RAD21L1: variants seen among roughly 807,000 people sequenced by gnomAD.
The protein encoded by RAD21L1 is double-strand-break repair protein rad21-like protein 1.
RAD21L1 carries 47 observed loss-of-function variants against 69.0 expected under a neutral mutation model. The observed-to-expected ratio is 0.68, with a 90% CI of 0.54 to 0.87. The LOEUF is 0.87. Ranked by LOEUF, RAD21L1 falls within the 40% of genes least tolerant of loss-of-function variation. RAD21L1 has a pLI of 0.00. For missense variants in RAD21L1, 583 were observed against 647.6 expected (o/e 0.90, Z 1.08); for synonymous variants, 177 against 205.8 (o/e 0.86, Z 1.20).
chr20:1,235,502 A>G (rs2087475452), intron 5 of RAD21L1, among the ~76,000 whole-genome samples: 1 of 152,192 alleles, frequency 6.6e-6, no homozygotes, highest in Non-Finnish European at 1.5e-5. Flanking sequence ...ACAAGTCTTA[A>G]GTTTTGTTAT....
intron 13 of RAD21L1, 32 bp downstream of exon 13, chr20:1,248,735 T>C: frequency 8.2e-7 from 1 of 1,226,410 alleles, no homozygotes; most frequent in Non-Finnish European, 1.1e-6. Flanking sequence ...ACCCTGTTTT[T>C]ATTTTAAAAA....
At chr20:1,253,293 C>T (rs764104032) in intron 13 of RAD21L1, among the ~76,000 whole-genome samples, 11 of 152,038 alleles carry the variant, frequency 7.2e-5, no homozygotes. Context: ...CACTGCAGTA[C>T]TTCTTTTCTT....
chr20:1,254,558 A>G lies in RAD21L1; in HGVS notation c.*101A>G, dbSNP rs768082988. The G allele has an allele frequency of 7.0e-6, 5 of 718,752 alleles. No homozygotes were observed. The highest frequency in any genetic ancestry group is 2.1e-6 in the Non-Finnish European group (1 of 479,112). The allele number at this position is 718,752 out of a possible 1,614,324, so 44.5% of individuals were successfully genotyped here. Reference sequence around the variant, plus strand: ...CTGGAAGCAGCTGAAGGTCTGATCCATTTCATAGATAGGCTGACCTACTTC... The same window carrying G: ...CTGGAAGCAGCTGAAGGTCTGATCCGTTTCATAGATAGGCTGACCTACTTC... On this transcript the variant is annotated 3_prime_UTR_variant, in exon 14 of 14. Coordinates refer to ENST00000683101, the MANE Select transcript of RAD21L1 (RefSeq NM_001384355.1).
chr20:1,248,720 T>C lies in RAD21L1; in HGVS notation c.1479+17T>C. On this transcript the variant is annotated intron_variant, in intron 13 of 13. Coordinates refer to ENST00000683101, the MANE Select transcript of RAD21L1 (RefSeq NM_001384355.1). ...CGTTTACGGGTGAGATGCTAGGGTT[T>C]GTCAACCCTGTTTTTATTTTAAAAA... 2 of 1,361,166 alleles carry C rather than the reference T, an allele frequency of 1.5e-6. No individual in the cohort carries two copies. The highest frequency in any genetic ancestry group is 1.0e-6 in the Non-Finnish European group (1 of 995,066). 84.3% of individuals were successfully genotyped at this position (1,361,166 alleles called of 1,614,324 possible). A position where few individuals can be genotyped will look rare whatever the true frequency, so the allele number is the denominator to read the frequency against.
rs190989500 is a variant in RAD21L1, at chr20:1,236,805, A to C, written c.476-1239A>C. Among the ~76,000 whole-genome samples the C allele has an allele frequency of 2.5e-3, 376 of 152,318 alleles. 6 individuals are homozygous for C. Among genetic ancestry groups the C allele is most frequent in the Admixed American group, 0.021 (318 of 15,296 alleles). On this transcript the variant is annotated intron_variant, in intron 5 of 13. Transcript: ENST00000683101. ...GAAATATTTAAAATTAATCCATCTT[A>C]TTCTGGATTGTAATATAAGATCAAA...
chr20:1,247,901 G>C (rs1004214178), intron 12 of RAD21L1, among the ~76,000 whole-genome samples: 3 of 151,984 alleles, frequency 2.0e-5, no homozygotes, highest in Admixed American at 2.0e-4. Context: ...CCAACCCTTT[G>C]TAAGCCTACT....
At chr20:1,245,428 A>G (rs1306589414) in intron 11 of RAD21L1, among the ~76,000 whole-genome samples, 3 of 152,180 alleles carry the variant, frequency 2.0e-5, no homozygotes, top group Admixed American at 1.3e-4. Context: ...GGCTTCACAA[A>G]TATGTATATT....
chr20:1,231,445 A>G, intron 3 of RAD21L1, 81 bp from the exon 4 acceptor site: 4 of 729,254 alleles, frequency 5.5e-6, no homozygotes, highest in Non-Finnish European at 7.1e-6. Flanking sequence ...GTAGTCCAGT[A>G]AAAGAATATA....
At chr20:1,233,903 G>T (rs115009610) in intron 4 of RAD21L1, among the ~76,000 whole-genome samples, 182 bp from the exon 5 acceptor site, 2,291 of 152,200 alleles carry the variant, frequency 0.015, 55 homozygotes, top group African/African-American at 0.052. Flanking sequence ...ACTGAAAATT[G>T]ACCACTGGAT....
chr20:1,248,928 T>G (rs2087771665), intron 13 of RAD21L1, among the ~76,000 whole-genome samples: 1 of 152,196 alleles, frequency 6.6e-6, no homozygotes, highest in South Asian at 2.1e-4. Flanking sequence ...CTAATACCCT[T>G]AGATATCCAT....
Position 1,234,033 on chromosome 20 carries a change from G to A in RAD21L1, c.369-52G>A, listed in dbSNP as rs1040677306. ...TCACTATATCAATGATATTTTTACA[G>A]TATCATTGTTTTCTGTTCTCATGTT... is the stretch of plus-strand genomic sequence containing the variant. On this transcript the variant is annotated intron_variant, in intron 4 of 13. Transcript: ENST00000683101. 1.4e-5 allele frequency: 11 copies of A among 800,134 alleles called. No individual in the cohort carries two copies. The African/African-American group carries it at 1.7e-4, about 13-fold the overall frequency. 49.6% of individuals were successfully genotyped at this position (800,134 alleles called of 1,614,324 possible).
rs116456581 is a variant in RAD21L1, at chr20:1,246,369, A to G, written c.1401+64A>G. 3,172 of 724,364 alleles carry G rather than the reference A, an allele frequency of 4.4e-3. 69 individuals carry two copies. In the African/African-American group the frequency reaches 0.051, roughly 12 times the overall value. 44.9% of individuals were successfully genotyped at this position (724,364 alleles called of 1,614,324 possible). On this transcript the variant is annotated intron_variant, in intron 12 of 13. Transcript: ENST00000683101. The surrounding 1 kb of genome is among the most constrained non-coding windows in gnomAD (Gnocchi z 4.6). Reference sequence around the variant, plus strand: ...TTTATTCCTAAATATTTAACACCTTATTTATCTAAAACTTGGCTTTTATAG... The same window carrying G: ...TTTATTCCTAAATATTTAACACCTTGTTTATCTAAAACTTGGCTTTTATAG...
chr20:1,239,201 AGATCTGGTTATTCCTTTACAAT>A (rs759655631), intron 6 of RAD21L1, 89 bp from the exon 7 acceptor site: 34 of 614,612 alleles, frequency 5.5e-5, no homozygotes, highest in Non-Finnish European at 9.1e-5. Context: ...TTCACATTAA[AGATCTGGTTATTCCTTTACAAT>A]GAAATGCATA....
At chr20:1,244,203 T>A in intron 11 of RAD21L1, 33 bp downstream of exon 11, 1 of 1,439,398 alleles carries the variant, frequency 6.9e-7, no homozygotes, top group Non-Finnish European at 9.4e-7. Flanking sequence ...TAAAAATATT[T>A]TATTTTCTAC....
At chr20:1,236,294 T>C (rs569693975) in intron 5 of RAD21L1, among the ~76,000 whole-genome samples, 1 of 152,352 alleles carries the variant, frequency 6.6e-6, no homozygotes, top group South Asian at 2.1e-4. Flanking sequence ...CAATTGTCTT[T>C]AAATTCCATT....
At position 1,234,204 on chromosome 20, in the gene RAD21L1, G is replaced by T; in HGVS notation, c.475+13G>T. ...GCTGAGAGCTTTGGTGAGAATATTTGAGAACTCAAAATTACAAATTATAAT... is the reference window on the plus strand; with the variant it reads ...GCTGAGAGCTTTGGTGAGAATATTTTAGAACTCAAAATTACAAATTATAAT... On this transcript the variant is annotated intron_variant, in intron 5 of 13. Coordinates refer to ENST00000683101, the MANE Select transcript of RAD21L1 (RefSeq NM_001384355.1). The T allele has an allele frequency of 8.3e-7, 1 of 1,209,088 alleles. No homozygotes were observed. The highest frequency in any genetic ancestry group is 1.4e-5 in the South Asian group (1 of 74,068). The allele number at this position is 1,209,088 out of a possible 1,614,324, so 74.9% of individuals were successfully genotyped here.
Position 1,228,479 on chromosome 20 carries a change from G to A in RAD21L1, c.26G>A (p.Ser9Asn), listed in dbSNP as rs775142447. The change falls in exon 2 of 14, where the codon AGT becomes AAT. Residue 9 changes from serine (S) to asparagine (N), a missense_variant. Coordinates refer to ENST00000683101, the MANE Select transcript of RAD21L1 (RefSeq NM_001384355.1). Reference sequence around the variant, plus strand: ...ATGTTCTACACACATGTGCTTATGAGTAAACGAGGGCCATTGGCCAAAATA... The same window carrying A: ...ATGTTCTACACACATGTGCTTATGAATAAACGAGGGCCATTGGCCAAAATA... The part of the protein sequence containing the change: MFYTHVLM[S>N]KRGPLAKIWL... 1.5e-5 allele frequency: 23 copies of A among 1,549,606 alleles called. 1 individual carries two copies. In the South Asian group the frequency reaches 1.7e-4, roughly 11 times the overall value.
At position 1,255,832 on chromosome 20, in the gene RAD21L1, C is replaced by A. The variant is rs530776448; in HGVS notation, c.*1375C>A. On this transcript the variant is annotated 3_prime_UTR_variant, in exon 14 of 14. Transcript: ENST00000683101. ...CAGATGGAATCATATAGCATGTAAG[C>A]TTTCGATACGGGCTTCTTTCACTCA... 2.6e-5 allele frequency among the ~76,000 whole-genome samples: 4 copies of A among 152,306 alleles called. No homozygotes were observed. The South Asian group carries it at 8.3e-4, about 32-fold the overall frequency.
At position 1,235,560 on chromosome 20, in the gene RAD21L1, T is replaced by C. The variant is rs117137470; in HGVS notation, c.475+1369T>C. Among the ~76,000 whole-genome samples the C allele has an allele frequency of 5.9e-5, 9 of 152,334 alleles. No homozygotes were observed. The East Asian group carries it at 1.7e-3, about 29-fold the overall frequency. On this transcript the variant is annotated intron_variant, in intron 5 of 13. Transcript: ENST00000683101. ...GCTCTGTCAAATTTCTGTAAAACTT[T>C]CTGAAAATGTGCTTTTATTTCTGTA...
Sources: allele counts gnomAD v4.1 joint callset (sites outside exome capture counted in the v4.1 genomes callset), GRCh38; gene constraint gnomAD v4.1.1; non-coding constraint Gnocchi (gnomAD v3.1); transcripts MANE v1.5; gene names NCBI Gene and HGNC (gene_info 2026-07-23, HGNC 2026-07-21).